The following VAV2 variants were observed in gnomAD, a reference collection of about 807,000 sequenced individuals.
The protein encoded by VAV2 is guanine nucleotide exchange factor VAV2.
Under a neutral mutation model 132.5 loss-of-function variants are expected in VAV2, and 67 were observed. That is an observed-to-expected ratio of 0.51 (90% confidence interval 0.42 to 0.62). The LOEUF (loss-of-function observed/expected upper bound fraction) is 0.62. Among genes scored for constraint, VAV2 ranks in the 20% least tolerant of loss-of-function variants. The probability of loss-of-function intolerance (pLI) is 0.00; values close to 1 mark genes in which losing one functional copy is unlikely to be tolerated. For missense variants in VAV2, 938 were observed against 1,153.6 expected (o/e 0.81, Z 2.71); for synonymous variants, 492 against 443.5 (o/e 1.11, Z -1.37).
At chr9:133,921,080 C>T (rs905146040) in intron 2 of VAV2, among the ~76,000 whole-genome samples, 8 of 152,160 alleles carry the variant, frequency 5.3e-5, no homozygotes, top group Admixed American at 3.9e-4. Context: ...TCTCTGAAGC[C>T]GTGCAGCCCT....
intron 9 of VAV2, among the ~76,000 whole-genome samples, chr9:133,801,701 A>T (rs1011516442): frequency 6.6e-6 from 1 of 152,156 alleles, no homozygotes; most frequent in African/African-American, 2.4e-5. Context: ...GAAGGTAAGG[A>T]CTGAGATGAG....
intron 29 of VAV2, among the ~76,000 whole-genome samples, chr9:133,766,762 AT>A (rs201823320): frequency 0.052 from 6,656 of 129,078 alleles, 399 homozygotes; most frequent in African/African-American, 0.15. Context: ...ATAAATAAAT[AT>A]ATATATATAT....
chr9:133,930,360 C>G (rs1200534401), intron 2 of VAV2, among the ~76,000 whole-genome samples: 1 of 5,118 alleles, frequency 2.0e-4, no homozygotes, highest in Non-Finnish European at 2.5e-3. Flanking sequence ...CTGGCCTCTT[C>G]ACTACCCTCC....
intron 7 of VAV2, among the ~76,000 whole-genome samples, chr9:133,808,605 G>A (rs919687578): frequency 5.3e-5 from 8 of 152,202 alleles, no homozygotes; most frequent in African/African-American, 1.7e-4. Context: ...TGGTCACTAG[G>A]CCGGGCCATG....
At chr9:133,978,104 G>C (rs1842573747) in intron 1 of VAV2, among the ~76,000 whole-genome samples, 1 of 152,264 alleles carries the variant, frequency 6.6e-6, no homozygotes, top group East Asian at 1.9e-4. Flanking sequence ...ACCAGGAGCG[G>C]GGAGGCACAC....
intron 25 of VAV2, among the ~76,000 whole-genome samples, chr9:133,773,682 A>T (rs752360816): frequency 4.6e-5 from 7 of 152,166 alleles, no homozygotes; most frequent in African/African-American, 1.7e-4. Context: ...TCCTAAGACA[A>T]CAATGCCTTC....
chr9:133,787,575 G>A (rs1315335321), intron 15 of VAV2, among the ~76,000 whole-genome samples: 1 of 152,162 alleles, frequency 6.6e-6, no homozygotes, highest in South Asian at 2.1e-4. Context: ...CTGGAGGCCA[G>A]GGACTGGACT....
At chr9:133,878,302 C>T (rs1204880083) in intron 2 of VAV2, among the ~76,000 whole-genome samples, 1 of 152,168 alleles carries the variant, frequency 6.6e-6, no homozygotes, top group Non-Finnish European at 1.5e-5. Flanking sequence ...ACGAACCACA[C>T]GCACTACAGA....
At chr9:133,850,305 C>T (rs1837116133) in intron 3 of VAV2, among the ~76,000 whole-genome samples, 1 of 152,218 alleles carries the variant, frequency 6.6e-6, no homozygotes, top group Non-Finnish European at 1.5e-5. Flanking sequence ...CCCTACCCTG[C>T]TCTGCCCTGA....
In VAV2 at chr9:133,787,255, G is replaced by T; in HGVS notation, c.1413C>A (p.His471Gln). The T allele has an allele frequency of 1.3e-6, 2 of 1,587,466 alleles. No individual in the cohort carries two copies. Among genetic ancestry groups the T allele is most frequent in the Non-Finnish European group, 1.7e-6 (2 of 1,164,586 alleles). The change falls in exon 16 of 30, where the codon CAC becomes CAA. Residue 471 changes from histidine (H) to glutamine (Q), a missense_variant. His to Gln is a conservative substitution (Grantham distance 24). Transcript: ENST00000371850. ...PMNNKDVKKS[H>Q]GKMWSYGFYL... ...GGCGCTAGGTGCTTACCATTTTCCC[G>T]TGAGACTAGGAAGCATGGAGAGGAG... is the stretch of plus-strand genomic sequence containing the variant.
chr9:133,812,987 G>C (rs12555087), intron 4 of VAV2, among the ~76,000 whole-genome samples: 20,105 of 152,168 alleles, frequency 0.13, 1,521 homozygotes, highest in Admixed American at 0.19. Context: ...CAGCGGATGA[G>C]CCTGGCCCCT....
Position 133,773,994 on chromosome 9 carries a change from C to T in VAV2, c.2135+941G>A, listed in dbSNP as rs185744570. 7.2e-4 allele frequency among the ~76,000 whole-genome samples: 109 copies of T among 152,190 alleles called. 1 individual carries two copies. Among genetic ancestry groups the T allele is most frequent in the Non-Finnish European group, 1.4e-3 (98 of 68,024 alleles). ...ACATTTCAGCTCCATTATAATCTTA[C>T]GGGACCACCACCACATATGGGGTCC... On this transcript the variant is annotated intron_variant, in intron 25 of 29. Coordinates refer to ENST00000371850, the MANE Select transcript of VAV2 (RefSeq NM_001134398.2).
rs778358319 is a variant in VAV2 at position 133,791,784 on chromosome 9, A to G, written c.1187T>C (p.Leu396Ser). ...GCCTGAAGAGTCAGTCTCACTCACC[A>G]AATTTTCTATAGAACTCTGAAATTC... ...ISEFQSSIEN[L>S]QVKLEEFGRP... The change falls in exon 13 of 30, where the codon TTG (leucine) becomes TCG (serine). Residue 396 changes from leucine (L) to serine (S), a missense_variant and splice_region_variant. By Grantham distance (145) the Leu-to-Ser change is moderately radical. Transcript: ENST00000371850. The G allele has an allele frequency of 6.2e-7, 1 of 1,614,074 alleles. No homozygotes were observed. The highest frequency in any genetic ancestry group is 1.1e-5 in the South Asian group (1 of 91,084).
chr9:133,876,392 G>T (rs2131920589), intron 2 of VAV2, among the ~76,000 whole-genome samples: 1 of 152,348 alleles, frequency 6.6e-6, no homozygotes, highest in Middle Eastern at 3.4e-3. Flanking sequence ...AAGGGACGGG[G>T]TGGGTGTGGA....
intron 1 of VAV2, among the ~76,000 whole-genome samples, chr9:133,982,526 G>A (rs1220343418): frequency 2.0e-5 from 3 of 151,974 alleles, no homozygotes; most frequent in African/African-American, 4.8e-5. Flanking sequence ...AGGGGCAGGA[G>A]GCCACAAGAG....
chr9:133,878,385 G>C (rs189540234), intron 2 of VAV2, among the ~76,000 whole-genome samples: 1 of 152,330 alleles, frequency 6.6e-6, no homozygotes, highest in African/African-American at 2.4e-5. Context: ...CACTAAGATT[G>C]TTCAGAATCT....
In VAV2 at chr9:133,794,807, T is replaced by C. The variant is rs1489847315; in HGVS notation, c.1101+861A>G. Among the ~76,000 whole-genome samples, 1 of 152,186 alleles carries C rather than the reference T, an allele frequency of 6.6e-6. No individual in the cohort carries two copies. Among genetic ancestry groups the C allele is most frequent in the Non-Finnish European group, 1.5e-5 (1 of 68,012 alleles). On this transcript the variant is annotated intron_variant, in intron 12 of 29. Transcript: ENST00000371850. This position sits in a 1 kb window ranked among gnomAD's most constrained non-coding sequence, Gnocchi z 4.6. ...GACACAGGTGACTATGGCTGACACA[T>C]GCCTGGCTGGGAAGGAGATGGCACG...
chr9:133,807,054 C>G (rs962543273), intron 8 of VAV2, among the ~76,000 whole-genome samples: 5 of 152,220 alleles, frequency 3.3e-5, no homozygotes, highest in Admixed American at 6.5e-5. Flanking sequence ...CGCAGACAAG[C>G]GGAGCCCAGA....
intron 2 of VAV2, among the ~76,000 whole-genome samples, chr9:133,892,535 C>G (rs3780748): frequency 6.6e-6 from 1 of 152,086 alleles, no homozygotes; most frequent in East Asian, 1.9e-4. Context: ...AAAAATCAAT[C>G]TGCATCAATC....
Sources: allele counts gnomAD v4.1 joint callset (sites outside exome capture counted in the v4.1 genomes callset), GRCh38; gene constraint gnomAD v4.1.1; non-coding constraint Gnocchi (gnomAD v3.1); transcripts MANE v1.5; gene names NCBI Gene and HGNC (gene_info 2026-07-23, HGNC 2026-07-21).